The following ITPA variants were observed in gnomAD, a reference collection of about 807,000 sequenced individuals.
The protein encoded by ITPA is inosine triphosphatase.
Under a neutral mutation model 29.6 loss-of-function variants are expected in ITPA, and 29 were observed. That is an observed-to-expected ratio of 0.98 (90% CI 0.73 to 1.34). ITPA has a LOEUF of 1.34. Ranked by LOEUF, ITPA falls within the 40% of genes most tolerant of loss-of-function variation. The pLI is 0.00. For synonymous variants in ITPA, 103 were observed against 99.3 expected (o/e 1.04, Z -0.22); for missense variants, 241 against 251.5 (o/e 0.96, Z 0.28).
intron 6 of ITPA, among the ~76,000 whole-genome samples, chr20:3,219,518 G>T (rs1204495413): frequency 1.3e-5 from 2 of 152,004 alleles, no homozygotes; most frequent in African/African-American, 4.8e-5. Flanking sequence ...GCTGAGGCGG[G>T]CGGATCACCT....
intron 4 of ITPA, 189 bp from the exon 5 acceptor site, chr20:3,215,089 ACTC>A: frequency 1.7e-6 from 1 of 596,150 alleles, no homozygotes; most frequent in Non-Finnish European, 3.0e-6. Flanking sequence ...CTTTTCTCAA[ACTC>A]CTGAGCTCAA....
chr20:3,223,542 C>A lies in ITPA; in HGVS notation c.*80C>A. The A allele has an allele frequency of 9.6e-7, 1 of 1,044,400 alleles. No individual in the cohort carries two copies. Among genetic ancestry groups the A allele is most frequent in the Non-Finnish European group, 1.5e-6 (1 of 689,614 alleles). 64.7% of individuals were successfully genotyped at this position (1,044,400 alleles called of 1,614,324 possible). On this transcript the variant is annotated 3_prime_UTR_variant, in exon 8 of 8. Coordinates refer to ENST00000380113, the MANE Select transcript of ITPA (RefSeq NM_033453.4). ...AAACCTCCCGCATCGGGCAGGCACCCCCTGAAGTACTTCCTTCAGGGTTTC... is the reference window on the plus strand; with the variant it reads ...AAACCTCCCGCATCGGGCAGGCACCACCTGAAGTACTTCCTTCAGGGTTTC...
Position 3,215,261 on chromosome 20 carries a change from G to C in ITPA, c.264-20G>C, listed in dbSNP as rs779882520. ...ATCCAGCTGCTCCTGGTGTCTGACTGTCCTTTCTTTCTCTTGCAGAAAGTG... is the reference window on the plus strand; with the variant it reads ...ATCCAGCTGCTCCTGGTGTCTGACTCTCCTTTCTTTCTCTTGCAGAAAGTG... On this transcript the variant is annotated intron_variant, in intron 4 of 7. Transcript: ENST00000380113. 1.2e-6 allele frequency: 2 copies of C among 1,613,378 alleles called. No individual in the cohort carries two copies. The highest frequency in any genetic ancestry group is 1.3e-5 in the African/African-American group (1 of 75,030).
upstream of ITPA, among the ~76,000 whole-genome samples, chr20:3,207,696 A>AAACAACAACAAC (rs369887745): frequency 0.088 from 13,220 of 150,634 alleles, 679 homozygotes; most frequent in Non-Finnish European, 0.11. Context: ...CTCCATCTCA[A>AAACAACAACAAC]AACAACAACA....
At chr20:3,205,501 A>G (rs951512208), upstream of ITPA, among the ~76,000 whole-genome samples, 1 of 152,156 alleles carries the variant, frequency 6.6e-6, no homozygotes, top group African/African-American at 2.4e-5. Flanking sequence ...TAGGAGTTCA[A>G]GACCAGCCTG....
chr20:3,226,795 G>A (rs1027834954), downstream of ITPA, among the ~76,000 whole-genome samples: 9 of 152,122 alleles, frequency 5.9e-5, no homozygotes, highest in East Asian at 7.7e-4. The surrounding 1 kb of genome is among the most constrained non-coding windows in gnomAD (Gnocchi z 4.4). Context: ...CTGATGCTGC[G>A]CACCCGGCAC....
intron 1 of ITPA, among the ~76,000 whole-genome samples, chr20:3,210,218 G>T (rs1354261703): frequency 6.6e-6 from 1 of 152,172 alleles, no homozygotes; most frequent in Non-Finnish European, 1.5e-5. Context: ...GAAACACACA[G>T]GGAGCTCATG....
At chr20:3,217,643 G>GT (rs1055978668) in intron 5 of ITPA, among the ~76,000 whole-genome samples, 1 of 151,844 alleles carries the variant, frequency 6.6e-6, no homozygotes, top group African/African-American at 2.4e-5. Context: ...TAATTTTTGT[G>GT]TTTTTTGTAG....
rs756210209 is a variant in ITPA, at chr20:3,218,530, C to T, written c.309C>T (p.Leu103=). Residue 103 remains leucine, a synonymous_variant, in exon 6 of 8, where the codon CTC becomes CTT. Coordinates refer to ENST00000380113, the MANE Select transcript of ITPA (RefSeq NM_033453.4). The part of the protein sequence containing the change: ...EKLKPEGLHQ[L]LAGFEDKSAY... ...GCCCACCCGCAGGTCTCCACCAGCT[C>T]CTGGCCGGGTTCGAGGACAAGTCAG... The T allele has an allele frequency of 1.4e-5, 22 of 1,613,726 alleles. No individual in the cohort carries two copies. Among genetic ancestry groups the T allele is most frequent in the Non-Finnish European group, 1.8e-5 (21 of 1,179,948 alleles).
At chr20:3,216,633 T>A (rs1414394237) in intron 5 of ITPA, among the ~76,000 whole-genome samples, 1 of 151,662 alleles carries the variant, frequency 6.6e-6, no homozygotes, top group Non-Finnish European at 1.5e-5. Flanking sequence ...TTTTGTATTT[T>A]TTGTAGAGGG....
chr20:3,221,616 T>C (rs890966096), intron 6 of ITPA: 6 of 630,916 alleles, frequency 9.5e-6, no homozygotes, highest in Admixed American at 2.3e-5. Context: ...CTGGTGGTCC[T>C]GTGGGTCCAT....
At chr20:3,214,489 C>A (rs1296788781) in intron 4 of ITPA, among the ~76,000 whole-genome samples, 1 of 151,126 alleles carries the variant, frequency 6.6e-6, no homozygotes, top group Non-Finnish European at 1.5e-5. Context: ...ACCTCAGCCT[C>A]CTGGGTAACT....
chr20:3,213,988 C>A lies in ITPA; in HGVS notation c.193C>A (p.Gln65Lys). The change falls in exon 4 of 8, where the codon CAG becomes AAG. Residue 65 changes from glutamine to lysine, a missense_variant. By Grantham distance (53) the Gln-to-Lys change is moderately conservative. Coordinates refer to ENST00000380113, the MANE Select transcript of ITPA (RefSeq NM_033453.4). ...QKCQEAVRQV[Q>K]GPVLVEDTCL... ...GCTGTATGTCTTTGTGCTGCAGGTACAGGGGCCCGTGCTGGTTGAGGACAC... is the reference window on the plus strand; with the variant it reads ...GCTGTATGTCTTTGTGCTGCAGGTAAAGGGGCCCGTGCTGGTTGAGGACAC... 6.2e-7 allele frequency: 1 copy of A among 1,614,160 alleles called. No individual in the cohort carries two copies. The highest frequency in any genetic ancestry group is 2.2e-5 in the East Asian group (1 of 44,878).
At chr20:3,213,962 G>T in intron 3 of ITPA, 23 bp from the exon 4 acceptor site, 1 of 1,613,654 alleles carries the variant, frequency 6.2e-7, no homozygotes, top group Non-Finnish European at 8.5e-7. Flanking sequence ...TGGGTCTCAG[G>T]GCTGTATGTC....
chr20:3,209,287 TC>T (rs2067116117), upstream of ITPA: 2 of 546,302 alleles, frequency 3.7e-6, no homozygotes. This position sits in a 1 kb window ranked among gnomAD's most constrained non-coding sequence, Gnocchi z 4.6. Flanking sequence ...AGTGGTCTCT[TC>T]CGGTTCTTGA....
chr20:3,219,985 T>C, intron 6 of ITPA, among the ~76,000 whole-genome samples: 1 of 138,334 alleles, frequency 7.2e-6, no homozygotes, highest in South Asian at 2.3e-4. Flanking sequence ...GACGGGACAG[T>C]GAGCTATGAT....
chr20:3,208,354 C>T (rs1600485239), upstream of ITPA, among the ~76,000 whole-genome samples: 1 of 152,090 alleles, frequency 6.6e-6, no homozygotes, highest in Non-Finnish European at 1.5e-5. Flanking sequence ...AACAGGTCAC[C>T]ACCCAAAGCA....
upstream of ITPA, chr20:3,204,441 G>T: frequency 2.3e-6 from 3 of 1,299,768 alleles, no homozygotes; most frequent in Admixed American, 2.3e-5. Context: ...GCCCGCCCAG[G>T]TGCGCACGCG....
chr20:3,223,260 G>T, intron 7 of ITPA, 106 bp from the exon 8 acceptor site: 2 of 830,950 alleles, frequency 2.4e-6, no homozygotes, highest in South Asian at 1.4e-5. Flanking sequence ...CCCTTTCCTT[G>T]GGGTCTGTGA....
Sources: gnomAD v4.1 joint callset for allele counts (sites outside exome capture counted in the v4.1 genomes callset) on GRCh38, gnomAD v4.1.1 for gene constraint, Gnocchi (gnomAD v3.1) non-coding constraint, MANE v1.5 for transcripts, NCBI Gene and HGNC (gene_info 2026-07-23, HGNC 2026-07-21) for gene names.